ABI1: variants seen among roughly 807,000 people sequenced by gnomAD.
ABI1 encodes the protein abl interactor 1.
ABI1 carries 14 observed loss-of-function variants against 54.6 expected under a neutral mutation model. The ratio of observed to expected loss-of-function variants is 0.26; its 90% CI spans 0.17 to 0.40. The LOEUF is 0.40. ABI1 is among the 10% of genes least tolerant of loss of function. ABI1 has a pLI of 1.00. For synonymous variants in ABI1, 194 were observed against 209.3 expected (o/e 0.93, Z 0.63); for missense variants, 443 against 598.3 (o/e 0.74, Z 2.71).
chr10:26,746,797 A>G lies in ABI1; in HGVS notation c.*1773T>C, dbSNP rs1272356287. The G allele has an allele frequency of 2.5e-6, 1 of 404,186 alleles. No homozygotes were observed. The highest frequency in any genetic ancestry group is 2.0e-5 in the African/African-American group (1 of 49,840). 25.0% of individuals were successfully genotyped at this position (404,186 alleles called of 1,614,324 possible). ...AATAAATAACCAATGTTAAAATTCA[A>G]ATGGTTTGTCTTGATTTACCGTAGG... On this transcript the variant is annotated 3_prime_UTR_variant, in exon 11 of 11. Coordinates refer to ENST00000376140, the MANE Select transcript of ABI1 (RefSeq NM_001012750.3).
At chr10:26,764,191 A>G (rs1409952058) in intron 7 of ABI1, among the ~76,000 whole-genome samples, 1 of 152,198 alleles carries the variant, frequency 6.6e-6, no homozygotes, top group East Asian at 1.9e-4. Flanking sequence ...TTTCAAAAAT[A>G]TGCTTGAAAA....
chr10:26,783,752 CG>C, intron 2 of ABI1, among the ~76,000 whole-genome samples: 1 of 152,312 alleles, frequency 6.6e-6, no homozygotes, highest in East Asian at 1.9e-4. Flanking sequence ...CTGGAATTGA[CG>C]ATCTGGATTT....
intron 2 of ABI1, among the ~76,000 whole-genome samples, chr10:26,822,505 T>C (rs1021588408): frequency 2.6e-5 from 4 of 152,022 alleles, no homozygotes; most frequent in East Asian, 3.9e-4. Flanking sequence ...TGTGTAACAA[T>C]AGAAACTACT....
chr10:26,846,285 A>T (rs9334169), intron 1 of ABI1, among the ~76,000 whole-genome samples: 1 of 151,874 alleles, frequency 6.6e-6, no homozygotes, highest in Admixed American at 6.6e-5. Context: ...ACAAGAGTAA[A>T]CTTCATAAAA....
chr10:26,772,951 C>T (rs576465558), intron 3 of ABI1, among the ~76,000 whole-genome samples: 4 of 151,904 alleles, frequency 2.6e-5, no homozygotes, highest in African/African-American at 9.7e-5. Flanking sequence ...GTGGCGCACA[C>T]CTGTAGTCCC....
At chr10:26,750,130 C>G (rs12779085) in intron 10 of ABI1, among the ~76,000 whole-genome samples, 2,342 of 152,330 alleles carry the variant, frequency 0.015, 20 homozygotes, top group South Asian at 0.033. Flanking sequence ...AACAACAGCT[C>G]TCTATTTGAA....
intron 1 of ABI1, among the ~76,000 whole-genome samples, chr10:26,841,252 T>C (rs1304319752): frequency 6.6e-6 from 1 of 152,194 alleles, no homozygotes; most frequent in Non-Finnish European, 1.5e-5. Context: ...ATTCTTTTTA[T>C]ATCAACCATA....
At chr10:26,807,906 A>T (rs1480877983) in intron 2 of ABI1, among the ~76,000 whole-genome samples, 1 of 152,170 alleles carries the variant, frequency 6.6e-6, no homozygotes, top group Non-Finnish European at 1.5e-5. Context: ...AGCCTGGCCA[A>T]AATGGTGAAA....
At chr10:26,820,242 ATAG>A (rs1277119038) in intron 2 of ABI1, among the ~76,000 whole-genome samples, 1 of 152,214 alleles carries the variant, frequency 6.6e-6, no homozygotes, top group Non-Finnish European at 1.5e-5. Flanking sequence ...AGTCAGCTTG[ATAG>A]TGGTAATCAT....
At chr10:26,858,143 C>G (rs756626166) in intron 1 of ABI1, among the ~76,000 whole-genome samples, 27 of 152,140 alleles carry the variant, frequency 1.8e-4, no homozygotes, top group Admixed American at 6.5e-4. Context: ...TCTCAAAGCA[C>G]ACGTGAACTG....
intron 2 of ABI1, among the ~76,000 whole-genome samples, chr10:26,815,635 C>T (rs1352605236): frequency 6.6e-6 from 1 of 152,204 alleles, no homozygotes; most frequent in East Asian, 1.9e-4. Context: ...CATTCAGGTG[C>T]AGTGGTTCAC....
At chr10:26,750,910 A>C (rs1157266579) in intron 10 of ABI1, among the ~76,000 whole-genome samples, 1 of 152,180 alleles carries the variant, frequency 6.6e-6, no homozygotes. Flanking sequence ...CAATCCTGAT[A>C]ATTTCTCTTG....
chr10:26,760,401 T>C (rs1374294870), intron 7 of ABI1, among the ~76,000 whole-genome samples: 2 of 152,202 alleles, frequency 1.3e-5, no homozygotes, highest in African/African-American at 4.8e-5. Flanking sequence ...GATAAAACCA[T>C]ACAGCAGAGG....
chr10:26,815,813 A>C (rs915706764), intron 2 of ABI1, among the ~76,000 whole-genome samples: 2 of 152,210 alleles, frequency 1.3e-5, no homozygotes, highest in African/African-American at 4.8e-5. Context: ...CAGGAGGCTG[A>C]GGCGGGAGGA....
At chr10:26,784,730 CTT>C (rs1466390618) in intron 2 of ABI1, among the ~76,000 whole-genome samples, 1 of 152,148 alleles carries the variant, frequency 6.6e-6, no homozygotes, top group African/African-American at 2.4e-5. Context: ...AATTAGAAAA[CTT>C]TATTTGAAAT....
chr10:26,763,770 T>A, intron 7 of ABI1: 1 of 943,768 alleles, frequency 1.1e-6, no homozygotes, highest in East Asian at 2.5e-5. Context: ...AACTTTGTAT[T>A]ATCACCTGCA....
intron 2 of ABI1, among the ~76,000 whole-genome samples, chr10:26,780,668 TG>T (rs898901008): frequency 3.4e-4 from 51 of 152,092 alleles, no homozygotes; most frequent in African/African-American, 1.2e-3. Context: ...TGATTAGGAG[TG>T]GGGCCAAGTT....
At chr10:26,765,436 C>T (rs766158724) in intron 6 of ABI1, 118 bp from the exon 7 acceptor site, 28 of 742,614 alleles carry the variant, frequency 3.8e-5, no homozygotes, top group Admixed American at 1.3e-4. Context: ...CCCTCAGTAT[C>T]CTTGGAGGAC....
chr10:26,765,568 A>C (rs1265803504), intron 6 of ABI1, among the ~76,000 whole-genome samples: 3 of 150,978 alleles, frequency 2.0e-5, no homozygotes, highest in African/African-American at 7.3e-5. Flanking sequence ...CATCCCATGA[A>C]TACTGTATTT....
Sources: gnomAD v4.1 joint callset for allele counts (sites outside exome capture counted in the v4.1 genomes callset) on GRCh38, gnomAD v4.1.1 for gene constraint, MANE v1.5 for transcripts, NCBI Gene and HGNC (gene_info 2026-07-23, HGNC 2026-07-21) for gene names.